Variants in KCTD17 observed in about 807,000 individuals in gnomAD.
KCTD17 encodes BTB/POZ domain-containing protein KCTD17.
KCTD17 carries 20 observed loss-of-function variants against 41.5 expected under a neutral mutation model. The ratio of observed to expected loss-of-function variants is 0.48; its 90% CI spans 0.34 to 0.70. The LOEUF is 0.70. Ranked by LOEUF, KCTD17 falls within the 30% of genes least tolerant of loss-of-function variation. The pLI is 0.01. For missense variants in KCTD17, 317 were observed against 427.2 expected (o/e 0.74, Z 2.27); for synonymous variants, 156 against 173.8 (o/e 0.90, Z 0.80).
At chr22:37,060,736 C>A in intron 5 of KCTD17, 87 bp from the exon 6 acceptor site, 1 of 1,424,678 alleles carries the variant, frequency 7.0e-7, no homozygotes, top group South Asian at 1.6e-5. Flanking sequence ...TTGCCTGAGA[C>A]CGGGTCTTTG....
intron 4 of KCTD17, among the ~76,000 whole-genome samples, chr22:37,057,893 C>T (rs1037242883): frequency 1.3e-5 from 2 of 152,168 alleles, no homozygotes; most frequent in Non-Finnish European, 2.9e-5. Flanking sequence ...CAGCATCATG[C>T]GATCATAGCA....
At chr22:37,054,006 T>C (rs1406164683) in intron 2 of KCTD17, among the ~76,000 whole-genome samples, 1 of 152,162 alleles carries the variant, frequency 6.6e-6, no homozygotes, top group African/African-American at 2.4e-5. Flanking sequence ...ATCTATTCAA[T>C]GGGGGCGGTG....
chr22:37,057,763 GATCT>G (rs1215460597), intron 4 of KCTD17, among the ~76,000 whole-genome samples: 1 of 152,240 alleles, frequency 6.6e-6, no homozygotes, highest in Non-Finnish European at 1.5e-5. Context: ...ACTGGGTGGT[GATCT>G]ATCTGGTGGC....
intron 1 of KCTD17, chr22:37,052,487 T>C (rs1924607505): frequency 2.2e-6 from 1 of 461,750 alleles, no homozygotes; most frequent in African/African-American, 2.0e-5. Flanking sequence ...GACCCTTCCC[T>C]GCACTGCGCT....
Position 37,057,498 on chromosome 22 carries a change from G to A in KCTD17, c.486+5G>A, listed in dbSNP as rs201383375. 461 of 1,608,274 alleles carry A rather than the reference G, an allele frequency of 2.9e-4. No homozygotes were observed. Among genetic ancestry groups the A allele is most frequent in the Non-Finnish European group, 3.7e-4 (438 of 1,178,990 alleles). ...GATGGCTGGCGCTTCGAGCAGGTGC[G>A]CTGGGGACAGGGGCGTGCCACCAGG... On this transcript the variant is annotated splice_donor_5th_base_variant and intron_variant, in intron 4 of 8. Coordinates refer to ENST00000403888, the MANE Select transcript of KCTD17 (RefSeq NM_001282684.2).
At chr22:37,052,037 T>C in intron 1 of KCTD17, 88 bp downstream of exon 1, 1 of 1,164,196 alleles carries the variant, frequency 8.6e-7, no homozygotes, top group Non-Finnish European at 1.1e-6. Context: ...CCCGCCAGGC[T>C]GGGGACCCGG....
Position 37,061,825 on chromosome 22 carries a change from C to T in KCTD17, c.875+196C>T, listed in dbSNP as rs928729372. 4.1e-6 allele frequency: 4 copies of T among 985,200 alleles called. No individual in the cohort carries two copies. Among genetic ancestry groups the T allele is most frequent in the Non-Finnish European group, 4.8e-6 (4 of 829,932 alleles). The allele number at this position is 985,200 out of a possible 1,614,324, so 61.0% of individuals were successfully genotyped here. A position where few individuals can be genotyped will look rare whatever the true frequency, so the allele number is the denominator to read the frequency against. ...GAACTTTCCTACCAGCCCATCAGCA[C>T]CAGAGCCAGGCTGGTGGGGAGGGAG... is the stretch of plus-strand genomic sequence containing the variant. On this transcript the variant is annotated intron_variant, in intron 8 of 8. Coordinates refer to ENST00000403888, the MANE Select transcript of KCTD17 (RefSeq NM_001282684.2). The surrounding 1 kb of genome is among the most constrained non-coding windows in gnomAD (Gnocchi z 6.6).
Position 37,062,540 on chromosome 22 carries a change from G to A in KCTD17, c.891G>A (p.Glu297=), listed in dbSNP as rs1925920726. Residue 297 remains glutamate, a synonymous_variant, in exon 9 of 9, where the codon GAG becomes GAA. Coordinates refer to ENST00000403888, the MANE Select transcript of KCTD17 (RefSeq NM_001282684.2). ...QSCHPCCYKP[E]APGCEAPDHL... ...TTTTTTCTAGCTGTTACAAGCCAGA[G>A]GCACCCGGATGTGAGGCCCCAGATC... The A allele has an allele frequency of 1.9e-6, 3 of 1,612,924 alleles. No individual in the cohort carries two copies. Among genetic ancestry groups the A allele is most frequent in the East Asian group, 2.2e-5 (1 of 44,846 alleles).
chr22:37,062,619 G>A lies in KCTD17; in HGVS notation c.*25G>A. The A allele has an allele frequency of 6.2e-7, 1 of 1,604,362 alleles. No individual in the cohort carries two copies. The highest frequency in any genetic ancestry group is 8.5e-7 in the Non-Finnish European group (1 of 1,175,206). On this transcript the variant is annotated 3_prime_UTR_variant, in exon 9 of 9. Transcript: ENST00000403888. ...AAATCCTTTATTTTTGTACCATGGG[G>A]TGGGCCCCGGGCCTGAGAAGGAAGA...
Position 37,062,722 on chromosome 22 carries a change from C to T in KCTD17, c.*128C>T. The T allele has an allele frequency of 1.3e-6, 2 of 1,491,874 alleles. No homozygotes were observed. Among genetic ancestry groups the T allele is most frequent in the Non-Finnish European group, 1.8e-6 (2 of 1,122,934 alleles). 92.4% of individuals were successfully genotyped at this position (1,491,874 alleles called of 1,614,324 possible). A position where few individuals can be genotyped will look rare whatever the true frequency, so the allele number is the denominator to read the frequency against. On this transcript the variant is annotated 3_prime_UTR_variant, in exon 9 of 9. Coordinates refer to ENST00000403888, the MANE Select transcript of KCTD17 (RefSeq NM_001282684.2). ...CCTGCCTCCAGGGGCGGGGCGGGGC[C>T]CCCCTGGGACCTCTTAAGGCCCAAG...
At chr22:37,058,160 T>G (rs1391976012) in intron 4 of KCTD17, among the ~76,000 whole-genome samples, 1 of 152,134 alleles carries the variant, frequency 6.6e-6, no homozygotes, top group African/African-American at 2.4e-5. Context: ...AAAAGTGCCT[T>G]TAGAGAAGGA....
intron 5 of KCTD17, among the ~76,000 whole-genome samples, chr22:37,060,210 G>C (rs936766342): frequency 6.6e-6 from 1 of 152,186 alleles, no homozygotes; most frequent in Non-Finnish European, 1.5e-5. Flanking sequence ...GCTCCTCCTG[G>C]GGCCCAACCC....
chr22:37,052,177 G>T, intron 1 of KCTD17: 1 of 551,164 alleles, frequency 1.8e-6, no homozygotes, highest in Non-Finnish European at 3.0e-6. Flanking sequence ...GCCATTAGAA[G>T]CTCTCCAGCC....
rs756682413 is a variant in KCTD17 at position 37,053,144 on chromosome 22, C to T, written c.234C>T (p.Phe78=). 5.5e-5 allele frequency: 88 copies of T among 1,603,710 alleles called. 1 individual carries two copies. In the East Asian group the frequency reaches 1.1e-3, roughly 20 times the overall value. Residue 78 remains phenylalanine, a synonymous_variant, in exon 2 of 9, where the codon TTC becomes TTT. Coordinates refer to ENST00000403888, the MANE Select transcript of KCTD17 (RefSeq NM_001282684.2). This position sits in a 1 kb window ranked among gnomAD's most constrained non-coding sequence, Gnocchi z 4.1. The part of the protein sequence containing the change: ...AYLIDRDPTY[F]GPILNFLRHG... ...TCATTGACCGTGACCCCACCTACTT[C>T]GGGCCCATCCTGAACTTCCTCCGGC...
intron 2 of KCTD17, among the ~76,000 whole-genome samples, chr22:37,055,867 G>A (rs1374120267): frequency 6.6e-6 from 1 of 152,206 alleles, no homozygotes; most frequent in Non-Finnish European, 1.5e-5. Context: ...TTTCCCAGTT[G>A]TTCAATGCAG....
intron 3 of KCTD17, 85 bp downstream of exon 3, chr22:37,056,496 G>T: frequency 8.6e-7 from 1 of 1,156,374 alleles, no homozygotes; most frequent in South Asian, 1.4e-5. Flanking sequence ...AGCAGAGGAG[G>T]TTGGGAGAGA....
At position 37,051,756 on chromosome 22, in the gene KCTD17, C is replaced by T; in HGVS notation, c.-5C>T. ...GGGAGGAGGATGCAGACGCCGCGGCCGGCGATGAGGATGGAGGCCGGGGAG... is the reference window on the plus strand; with the variant it reads ...GGGAGGAGGATGCAGACGCCGCGGCTGGCGATGAGGATGGAGGCCGGGGAG... On this transcript the variant is annotated 5_prime_UTR_variant, in exon 1 of 9. Coordinates refer to ENST00000403888, the MANE Select transcript of KCTD17 (RefSeq NM_001282684.2). 8.2e-7 allele frequency: 1 copy of T among 1,221,510 alleles called. No individual in the cohort carries two copies. Among genetic ancestry groups the T allele is most frequent in the African/African-American group, 1.6e-5 (1 of 63,722 alleles). The allele number at this position is 1,221,510 out of a possible 1,614,324, so 75.7% of individuals were successfully genotyped here.
chr22:37,059,089 C>T (rs1352919826), intron 4 of KCTD17, among the ~76,000 whole-genome samples: 6 of 152,124 alleles, frequency 3.9e-5, no homozygotes, highest in South Asian at 2.1e-4. Context: ...CCAAGCCAGG[C>T]GGAGGGGCTG....
In KCTD17 at chr22:37,061,265, T is replaced by A; in HGVS notation, c.784+90T>A. The A allele has an allele frequency of 6.5e-7, 1 of 1,541,556 alleles. No homozygotes were observed. Among genetic ancestry groups the A allele is most frequent in the Admixed American group, 2.0e-5 (1 of 50,936 alleles). On this transcript the variant is annotated intron_variant, in intron 7 of 8. Transcript: ENST00000403888. This position sits in a 1 kb window ranked among gnomAD's most constrained non-coding sequence, Gnocchi z 6.6. Reference sequence around the variant, plus strand: ...TCTCTGCCCCTGTCCGGGTTTTCTCTCTGCCTGCTCACGCCTCCATCCCGG... The same window carrying A: ...TCTCTGCCCCTGTCCGGGTTTTCTCACTGCCTGCTCACGCCTCCATCCCGG...
Sources: allele counts gnomAD v4.1 joint callset (sites outside exome capture counted in the v4.1 genomes callset), GRCh38; gene constraint gnomAD v4.1.1; non-coding constraint Gnocchi (gnomAD v3.1); transcripts MANE v1.5; gene names NCBI Gene and HGNC (gene_info 2026-07-23, HGNC 2026-07-21).